GPC6: variants seen among roughly 807,000 people sequenced by gnomAD.
GPC6 encodes the protein glypican 6.
GPC6 carries 14 observed loss-of-function variants against 55.2 expected under a neutral mutation model. The observed-to-expected ratio is 0.25, with a 90% confidence interval of 0.17 to 0.40. The LOEUF (loss-of-function observed/expected upper bound fraction) is 0.40, where lower values mean the gene tolerates loss of function less well. GPC6 is among the 10% of genes least tolerant of loss of function. The pLI, the probability that GPC6 is intolerant of heterozygous loss-of-function variation, is 1.00. For missense variants in GPC6, 641 were observed against 708.5 expected (o/e 0.90, Z 1.08); for synonymous variants, 278 against 259.6 (o/e 1.07, Z -0.68).
At chr13:93,807,710 T>A (rs1886581473) in intron 2 of GPC6, among the ~76,000 whole-genome samples, 1 of 152,214 alleles carries the variant, frequency 6.6e-6, no homozygotes, top group Non-Finnish European at 1.5e-5. Flanking sequence ...ATAGAAATAC[T>A]TCAAGGCTGT....
At chr13:93,240,073 T>C (rs1175827681) in intron 1 of GPC6, among the ~76,000 whole-genome samples, 6 of 152,128 alleles carry the variant, frequency 3.9e-5, no homozygotes, top group Non-Finnish European at 8.8e-5. Context: ...TTGGAAACTA[T>C]TCCATGTGCT....
chr13:93,470,636 A>T (rs1312205919), intron 1 of GPC6, among the ~76,000 whole-genome samples: 1 of 152,052 alleles, frequency 6.6e-6, no homozygotes, highest in Non-Finnish European at 1.5e-5. Context: ...ACTTGATATC[A>T]TGGTAATGAC....
At chr13:94,391,307 GACT>G (rs1280749101) in intron 7 of GPC6, among the ~76,000 whole-genome samples, 1 of 152,134 alleles carries the variant, frequency 6.6e-6, no homozygotes, top group Non-Finnish European at 1.5e-5. Context: ...ATTTTCATAA[GACT>G]ACATTAAAAT....
chr13:93,901,379 CT>C (rs1213993278), intron 3 of GPC6, among the ~76,000 whole-genome samples: 2 of 150,846 alleles, frequency 1.3e-5, no homozygotes, highest in African/African-American at 2.5e-5. Context: ...CACCTCACTA[CT>C]TTTTTTTGTG....
intron 4 of GPC6, among the ~76,000 whole-genome samples, chr13:94,173,014 A>G (rs951815202): frequency 6.6e-6 from 1 of 152,228 alleles, no homozygotes. Context: ...TCATTAGCCA[A>G]CAATGAGATG....
chr13:94,028,222 G>A (rs1594677806), intron 4 of GPC6, among the ~76,000 whole-genome samples: 3 of 151,798 alleles, frequency 2.0e-5, no homozygotes, highest in Non-Finnish European at 2.9e-5. Context: ...CTGTGATTGC[G>A]CCACTGCACT....
Position 93,313,874 on chromosome 13 carries a change from A to G in GPC6, c.160+86258A>G, listed in dbSNP as rs917525649. Among the ~76,000 whole-genome samples, 5 of 152,234 alleles carry G rather than the reference A, an allele frequency of 3.3e-5. No homozygotes were observed. In the East Asian group the frequency reaches 7.7e-4, roughly 24 times the overall value. On this transcript the variant is annotated intron_variant, in intron 1 of 8. Coordinates refer to ENST00000377047, the MANE Select transcript of GPC6 (RefSeq NM_005708.5). ...AAGATTATAAAAATGAGGGAATTAT[A>G]CTATGTATACAGTTCTCCAACTGGC...
At chr13:93,871,349 G>T (rs1330468) in intron 3 of GPC6, among the ~76,000 whole-genome samples, 51,456 of 151,688 alleles carry the variant, frequency 0.34, 8,926 homozygotes, top group African/African-American at 0.4. Flanking sequence ...TTTGATCTTA[G>T]CCTATTAATT....
chr13:93,878,576 C>T (rs1874747720), intron 3 of GPC6, among the ~76,000 whole-genome samples: 1 of 152,078 alleles, frequency 6.6e-6, no homozygotes, highest in Non-Finnish European at 1.5e-5. Flanking sequence ...TGGGGTTTCA[C>T]CATGTTGGCC....
chr13:93,297,868 G>GGTGTGGGGAGA (rs1280557252), intron 1 of GPC6, among the ~76,000 whole-genome samples: 2 of 152,120 alleles, frequency 1.3e-5, no homozygotes, highest in Non-Finnish European at 2.9e-5. Context: ...ACATAAGTAG[G>GGTGTGGGGAGA]GTGTGGGGAG....
chr13:93,515,781 A>G (rs1283696153), intron 1 of GPC6, among the ~76,000 whole-genome samples: 2 of 152,202 alleles, frequency 1.3e-5, no homozygotes, highest in Admixed American at 6.5e-5. Context: ...ATTTAGACAC[A>G]CAATTAACCA....
intron 2 of GPC6, among the ~76,000 whole-genome samples, chr13:93,643,724 G>A (rs994956886): frequency 1.3e-5 from 2 of 152,076 alleles, no homozygotes; most frequent in African/African-American, 2.4e-5. Flanking sequence ...GGAGGCCAGA[G>A]TTTTCCTTTT....
chr13:94,029,899 C>A (rs564350958), intron 4 of GPC6, among the ~76,000 whole-genome samples: 1 of 151,902 alleles, frequency 6.6e-6, no homozygotes, highest in Non-Finnish European at 1.5e-5. Flanking sequence ...TCACTGGATT[C>A]AAAACTAAAA....
chr13:93,707,928 A>G (rs1248852055), intron 2 of GPC6, among the ~76,000 whole-genome samples: 1 of 151,816 alleles, frequency 6.6e-6, no homozygotes, highest in Non-Finnish European at 1.5e-5. Flanking sequence ...AACGAAATCA[A>G]CAAAGGGAAA....
intron 6 of GPC6, among the ~76,000 whole-genome samples, chr13:94,363,114 C>T (rs748690008): frequency 5.9e-5 from 9 of 152,016 alleles, no homozygotes; most frequent in East Asian, 1.9e-4. Flanking sequence ...TTAGATTCAA[C>T]GAAAACTTTA....
intron 6 of GPC6, among the ~76,000 whole-genome samples, chr13:94,344,340 C>G (rs1878182029): frequency 6.6e-6 from 1 of 152,138 alleles, no homozygotes; most frequent in Non-Finnish European, 1.5e-5. Flanking sequence ...TTTGAATTAA[C>G]AATGAATTAG....
intron 4 of GPC6, among the ~76,000 whole-genome samples, chr13:94,162,702 G>C (rs1355610573): frequency 3.9e-5 from 6 of 151,948 alleles, no homozygotes; most frequent in Admixed American, 3.9e-4. Flanking sequence ...TAGGAATTTG[G>C]GTCAAATTTT....
In GPC6 at chr13:93,504,642, G is replaced by T. The variant is rs889778176; in HGVS notation, c.161-40621G>T. 2.4e-4 allele frequency among the ~76,000 whole-genome samples: 36 copies of T among 151,824 alleles called. 1 individual carries two copies. The highest frequency in any genetic ancestry group is 2.3e-3 in the Admixed American group (35 of 15,232). ...ATGAATGAATGCATTGGCTCAAATA[G>T]CTGGAGGGAAGGATAAAGGTCAGAA... On this transcript the variant is annotated intron_variant, in intron 1 of 8. Transcript: ENST00000377047.
At chr13:93,320,590 G>A (rs963318956) in intron 1 of GPC6, among the ~76,000 whole-genome samples, 4 of 151,522 alleles carry the variant, frequency 2.6e-5, no homozygotes, top group Non-Finnish European at 4.4e-5. Flanking sequence ...CGCAAATAGT[G>A]ATAACCATCT....
Sources: gnomAD v4.1 joint callset for allele counts (sites outside exome capture counted in the v4.1 genomes callset) on GRCh38, gnomAD v4.1.1 for gene constraint, MANE v1.5 for transcripts, NCBI Gene and HGNC (gene_info 2026-07-23, HGNC 2026-07-21) for gene names.